Variants in CLSTN1 observed in about 807,000 individuals in gnomAD.
The protein encoded by CLSTN1 is calsyntenin-1.
CLSTN1 carries 28 observed loss-of-function variants against 108.3 expected under a neutral mutation model. The ratio of observed to expected loss-of-function variants is 0.26; its 90% CI spans 0.19 to 0.35. The LOEUF (loss-of-function observed/expected upper bound fraction) is 0.35, where lower values mean the gene tolerates loss of function less well. CLSTN1 is among the 10% of genes least tolerant of loss of function. The pLI, the probability that CLSTN1 is intolerant of heterozygous loss-of-function variation, is 1.00. For missense variants in CLSTN1, 1,157 were observed against 1,302.6 expected (o/e 0.89, Z 1.72); for synonymous variants, 524 against 534.9 (o/e 0.98, Z 0.28).
At chr1:9,750,602 C>A (rs1651507837) in intron 5 of CLSTN1, among the ~76,000 whole-genome samples, 1 of 151,388 alleles carries the variant, frequency 6.6e-6, no homozygotes, top group African/African-American at 2.4e-5. Flanking sequence ...GTCCCAGCTA[C>A]TAGCGAGGCT....
chr1:9,808,053 C>T (rs1283530080), intron 1 of CLSTN1, among the ~76,000 whole-genome samples: 2 of 152,208 alleles, frequency 1.3e-5, no homozygotes, highest in Admixed American at 1.3e-4. Flanking sequence ...CAGCGCCTCA[C>T]CGCTGGTTTA....
intron 1 of CLSTN1, among the ~76,000 whole-genome samples, chr1:9,818,330 T>C (rs893041513): frequency 6.6e-6 from 1 of 150,936 alleles, no homozygotes; most frequent in African/African-American, 2.4e-5. Context: ...TTTTTTGTTT[T>C]TGTTTTTGTT....
At chr1:9,748,856 G>T (rs760098076) in intron 7 of CLSTN1, among the ~76,000 whole-genome samples, 67 of 152,044 alleles carry the variant, frequency 4.4e-4, no homozygotes, top group Non-Finnish European at 5.0e-4. Context: ...TCCTATAGAA[G>T]CCCTTTTTGG....
intron 1 of CLSTN1, among the ~76,000 whole-genome samples, chr1:9,788,561 G>C (rs1653603635): frequency 6.9e-6 from 1 of 144,684 alleles, no homozygotes; most frequent in Non-Finnish European, 1.5e-5. Context: ...GAGTGAGACT[G>C]TTTCCAAAAA....
chr1:9,808,294 A>T (rs1433476301), intron 1 of CLSTN1, among the ~76,000 whole-genome samples: 1 of 152,190 alleles, frequency 6.6e-6, no homozygotes, highest in Non-Finnish European at 1.5e-5. Context: ...CATGTTGTTC[A>T]AGGCTCAACA....
intron 1 of CLSTN1, among the ~76,000 whole-genome samples, chr1:9,773,969 C>T (rs551495106): frequency 5.7e-4 from 87 of 152,004 alleles, no homozygotes; most frequent in Non-Finnish European, 9.9e-4. Flanking sequence ...CTTGAACCCC[C>T]GGGCTCAAGT....
chr1:9,783,355 G>A (rs564888476), intron 1 of CLSTN1, among the ~76,000 whole-genome samples: 2 of 152,280 alleles, frequency 1.3e-5, no homozygotes, highest in African/African-American at 4.8e-5. Context: ...CAGGTAGGAG[G>A]ATTGCTTGAG....
intron 2 of CLSTN1, among the ~76,000 whole-genome samples, chr1:9,771,121 C>T (rs1426761907): frequency 6.6e-6 from 1 of 152,196 alleles, no homozygotes; most frequent in Non-Finnish European, 1.5e-5. Context: ...GGAGCAAATA[C>T]ACAAGCCTGG....
intron 9 of CLSTN1, among the ~76,000 whole-genome samples, chr1:9,743,321 C>A (rs1023467477): frequency 1.3e-5 from 2 of 152,216 alleles, no homozygotes; most frequent in African/African-American, 4.8e-5. Flanking sequence ...GCAATCCCAG[C>A]ACTTTGGGCG....
intron 2 of CLSTN1, among the ~76,000 whole-genome samples, chr1:9,766,487 G>A (rs1020990151): frequency 2.6e-5 from 4 of 152,140 alleles, no homozygotes; most frequent in Non-Finnish European, 5.9e-5. Context: ...GTGAAACCCC[G>A]TCTCTATTAT....
rs563393229 is a variant in CLSTN1, at chr1:9,807,893, C to T, written c.91+15750G>A. ...GTCACCTAGGACCCCAGGAACTAGGCTTCTGCCTCCTTCACAACCCTTCTC... is the reference window on the plus strand; with the variant it reads ...GTCACCTAGGACCCCAGGAACTAGGTTTCTGCCTCCTTCACAACCCTTCTC... On this transcript the variant is annotated intron_variant, in intron 1 of 18. Transcript: ENST00000377298. Among the ~76,000 whole-genome samples the T allele has an allele frequency of 7.3e-4, 111 of 152,356 alleles. 1 individual carries two copies. The highest frequency in any genetic ancestry group is 2.5e-3 in the African/African-American group (102 of 41,582).
At position 9,761,365 on chromosome 1, in the gene CLSTN1, T is replaced by A. The variant is rs1398492130; in HGVS notation, c.215-4855A>T. ...AAAATTAGCTGGGAGTGGTGGCGTG[T>A]GCCTGAGGTCCCGGCTACTTGGGAG... is the stretch of plus-strand genomic sequence containing the variant. On this transcript the variant is annotated intron_variant, in intron 2 of 18. Coordinates refer to ENST00000377298, the MANE Select transcript of CLSTN1 (RefSeq NM_001009566.3). Among the ~76,000 whole-genome samples the A allele has an allele frequency of 2.0e-5, 3 of 152,136 alleles. No individual in the cohort carries two copies. In the East Asian group the frequency reaches 5.8e-4, roughly 29 times the overall value.
chr1:9,744,668 C>G, intron 7 of CLSTN1, 25 bp from the exon 8 acceptor site: 5 of 1,591,898 alleles, frequency 3.1e-6, no homozygotes, highest in Non-Finnish European at 2.6e-6. Flanking sequence ...CTCGGTGAAA[C>G]TCATGTGAGG....
intron 7 of CLSTN1, 90 bp downstream of exon 7, chr1:9,749,371 G>T: frequency 8.3e-7 from 1 of 1,201,156 alleles, no homozygotes. Flanking sequence ...TTATAATTAT[G>T]AACACAACAC....
chr1:9,760,973 T>G (rs1311309451), intron 2 of CLSTN1, among the ~76,000 whole-genome samples: 1 of 151,920 alleles, frequency 6.6e-6, no homozygotes, highest in African/African-American at 2.4e-5. Context: ...GCCTCTCACA[T>G]CCCAGTTCCT....
intron 2 of CLSTN1, 120 bp downstream of exon 2, chr1:9,773,152 C>A: frequency 1.5e-6 from 2 of 1,369,748 alleles, no homozygotes; most frequent in Non-Finnish European, 2.0e-6. Context: ...AAGGACGCTA[C>A]AAATAACCCT....
chr1:9,819,896 C>A (rs75292549), intron 1 of CLSTN1, among the ~76,000 whole-genome samples: 120 of 152,166 alleles, frequency 7.9e-4, no homozygotes, highest in African/African-American at 2.7e-3. Flanking sequence ...ACCATCTTCC[C>A]AAAAAAGCTG....
rs1044722723 is a variant in CLSTN1, at chr1:9,806,366, A to G, written c.91+17277T>C. ...TTAAAGTCCATGGTAATTTTTGAGC[A>G]CAGGGGTCCTGAGACCAAACAATCT... On this transcript the variant is annotated intron_variant, in intron 1 of 18. Transcript: ENST00000377298. Among the ~76,000 whole-genome samples, 5 of 152,332 alleles carry G rather than the reference A, an allele frequency of 3.3e-5. No homozygotes were observed. The East Asian group carries it at 9.6e-4, about 29-fold the overall frequency.
intron 1 of CLSTN1, among the ~76,000 whole-genome samples, chr1:9,814,066 C>T (rs1247761190): frequency 6.6e-6 from 1 of 151,138 alleles, no homozygotes; most frequent in Admixed American, 6.6e-5. Flanking sequence ...CACGCCATTG[C>T]ACACCAGCCT....
Sources: gnomAD v4.1 joint callset for allele counts (sites outside exome capture counted in the v4.1 genomes callset) on GRCh38, gnomAD v4.1.1 for gene constraint, MANE v1.5 for transcripts, NCBI Gene and HGNC (gene_info 2026-07-23, HGNC 2026-07-21) for gene names.